The following COL19A1 variants were observed in gnomAD, a reference collection of about 807,000 sequenced individuals.
COL19A1 encodes the protein collagen type XIX alpha 1 chain, also known as collagen alpha-1(XIX) chain.
COL19A1 carries 159 observed loss-of-function variants against 190.2 expected under a neutral mutation model. The observed-to-expected ratio is 0.84, with a 90% CI of 0.73 to 0.95. COL19A1 has a LOEUF of 0.95. Among genes scored for constraint, COL19A1 ranks in the 40% least tolerant of loss-of-function variants. The pLI is 0.00. For missense variants in COL19A1, 1,418 were observed against 1,431.9 expected, an observed-to-expected ratio of 0.99 and a Z score of 0.16; for synonymous variants, 509 against 458.9, an observed-to-expected ratio of 1.11 and a Z score of -1.39.
chr6:70,106,798 TGGAG>T (rs772605079), intron 16 of COL19A1, among the ~76,000 whole-genome samples: 14 of 152,212 alleles, frequency 9.2e-5, no homozygotes, highest in Non-Finnish European at 1.5e-4. Context: ...TATTCTTCAT[TGGAG>T]GGAAACTATT....
intron 11 of COL19A1, among the ~76,000 whole-genome samples, chr6:70,019,328 G>C (rs1778293797): frequency 6.6e-6 from 1 of 151,970 alleles, no homozygotes; most frequent in Non-Finnish European, 1.5e-5. Flanking sequence ...ATGTAGTAAG[G>C]TATAGAGAAC....
At chr6:70,117,245 T>G (rs1309754011) in intron 16 of COL19A1, among the ~76,000 whole-genome samples, 1 of 152,126 alleles carries the variant, frequency 6.6e-6, no homozygotes, top group East Asian at 1.9e-4. Flanking sequence ...CTCTTTAGGC[T>G]AAGTATACCG....
At chr6:70,112,754 T>C (rs1272221669) in intron 16 of COL19A1, among the ~76,000 whole-genome samples, 1 of 152,212 alleles carries the variant, frequency 6.6e-6, no homozygotes, top group Non-Finnish European at 1.5e-5. Context: ...CCCACTTCTG[T>C]TCCAAAATGA....
intron 15 of COL19A1, among the ~76,000 whole-genome samples, chr6:70,072,979 A>ATTTATTTG (rs1313928436): frequency 6.0e-5 from 9 of 149,846 alleles, no homozygotes; most frequent in African/African-American, 2.2e-4. Flanking sequence ...TTATTTATTT[A>ATTTATTTG]TTTATTTATT....
chr6:69,924,926 TG>T (rs1772255912), intron 4 of COL19A1, among the ~76,000 whole-genome samples: 1 of 152,226 alleles, frequency 6.6e-6, no homozygotes, highest in Non-Finnish European at 1.5e-5. Flanking sequence ...CACTTTTTGA[TG>T]GGGTTGTTTG....
At chr6:69,923,725 T>TCCGGAAAGGC in intron 4 of COL19A1, among the ~76,000 whole-genome samples, 1 of 152,086 alleles carries the variant, frequency 6.6e-6, no homozygotes, top group East Asian at 1.9e-4. Flanking sequence ...GTGTGAAAAC[T>TCCGGAAAGGC]CCGGAAAGGC....
At chr6:70,168,097 T>G in intron 38 of COL19A1, 22 bp downstream of exon 38, 1 of 1,586,342 alleles carries the variant, frequency 6.3e-7, no homozygotes, top group Non-Finnish European at 8.6e-7. Context: ...TGTAATTATT[T>G]AAAATCCAGT....
rs757767473 is a variant in COL19A1 at position 70,179,874 on chromosome 6, CTTTA to C, written c.2668-415_2668-412del. 9.2e-5 allele frequency among the ~76,000 whole-genome samples: 14 copies of C among 151,934 alleles called. 1 individual carries two copies. In the South Asian group the frequency reaches 1.5e-3, roughly 16 times the overall value. On this transcript the variant is annotated intron_variant, in intron 42 of 50. Coordinates refer to ENST00000620364, the MANE Select transcript of COL19A1 (RefSeq NM_001858.6). ...AGTCTCTGTCCCCTTAGAAATGCCA[CTTTA>C]TTTATTTATTTATTTATTTATTGAG...
chr6:69,887,402 C>T (rs1351461528), intron 2 of COL19A1, among the ~76,000 whole-genome samples: 2 of 152,050 alleles, frequency 1.3e-5, no homozygotes, highest in African/African-American at 4.8e-5. Flanking sequence ...TGCTATTTTC[C>T]TCCTTTTGTT....
chr6:70,018,602 C>T (rs1778248045), intron 11 of COL19A1, among the ~76,000 whole-genome samples: 1 of 151,938 alleles, frequency 6.6e-6, no homozygotes, highest in African/African-American at 2.4e-5. Flanking sequence ...CTTGCATTCC[C>T]CTGAAACAAG....
intron 4 of COL19A1, among the ~76,000 whole-genome samples, chr6:69,908,143 T>G (rs1157336438): frequency 6.6e-6 from 1 of 152,252 alleles, no homozygotes; most frequent in Non-Finnish European, 1.5e-5. Flanking sequence ...GGGACTATTT[T>G]GTAATGCATA....
chr6:70,134,033 T>C (rs187434433), intron 18 of COL19A1, among the ~76,000 whole-genome samples: 88 of 152,310 alleles, frequency 5.8e-4, no homozygotes, highest in African/African-American at 2.1e-3. Context: ...ATTTGATTTT[T>C]ACAAGCAATT....
chr6:69,880,093 AT>A (rs1377002498), intron 2 of COL19A1, among the ~76,000 whole-genome samples: 2 of 152,226 alleles, frequency 1.3e-5, no homozygotes, highest in African/African-American at 4.8e-5. Flanking sequence ...TAGTTTAATT[AT>A]ATGTTCATTT....
intron 16 of COL19A1, among the ~76,000 whole-genome samples, chr6:70,118,917 C>T (rs935275257): frequency 3.9e-5 from 6 of 152,154 alleles, no homozygotes; most frequent in African/African-American, 1.2e-4. Flanking sequence ...AGATCAGGAT[C>T]CTGCATGAGA....
At chr6:70,031,789 C>G (rs1215011642) in intron 12 of COL19A1, among the ~76,000 whole-genome samples, 2 of 152,166 alleles carry the variant, frequency 1.3e-5, no homozygotes, top group African/African-American at 4.8e-5. Flanking sequence ...AGGACCATTT[C>G]TGACACCCCC....
chr6:70,122,805 A>G (rs2150213272), intron 17 of COL19A1, among the ~76,000 whole-genome samples: 1 of 152,294 alleles, frequency 6.6e-6, no homozygotes, highest in South Asian at 2.1e-4. Context: ...AATTTGTTAA[A>G]TGACTAGCTA....
chr6:69,899,054 T>C, intron 3 of COL19A1, 32 bp downstream of exon 3: 1 of 1,430,080 alleles, frequency 7.0e-7, no homozygotes, highest in South Asian at 1.2e-5. Flanking sequence ...AAAGTAATAT[T>C]TTATGTAAAA....
chr6:69,867,441 C>A, intron 1 of COL19A1: 1 of 153,312 alleles, frequency 6.5e-6, no homozygotes, highest in South Asian at 1.8e-4. Context: ...AAGACGCGGC[C>A]CCAGCCTCTG....
intron 15 of COL19A1, among the ~76,000 whole-genome samples, chr6:70,101,891 A>T (rs1783654621): frequency 6.6e-6 from 1 of 152,162 alleles, no homozygotes; most frequent in Non-Finnish European, 1.5e-5. Flanking sequence ...TCTTTCATAT[A>T]CTTTATATTA....
Sources: allele counts gnomAD v4.1 joint callset (sites outside exome capture counted in the v4.1 genomes callset), GRCh38; gene constraint gnomAD v4.1.1; transcripts MANE v1.5; gene names NCBI Gene and HGNC (gene_info 2026-07-23, HGNC 2026-07-21).